The following JMJD1C variants were observed in gnomAD, a reference collection of about 807,000 sequenced individuals.
JMJD1C encodes the protein jumonji domain-containing protein 1C.
JMJD1C carries 31 observed loss-of-function variants against 245.3 expected under a neutral mutation model. That is an observed-to-expected ratio of 0.13 (90% CI 0.09 to 0.17). The LOEUF is 0.17. Among genes scored for constraint, JMJD1C ranks in the 10% least tolerant of loss-of-function variants. The pLI is 1.00. For missense variants in JMJD1C, 2,691 were observed against 3,000.2 expected, an observed-to-expected ratio of 0.90 and a Z score of 2.41; for synonymous variants, 1,057 against 1,017.4, an observed-to-expected ratio of 1.04 and a Z score of -0.74.
At chr10:63,440,659 G>A (rs1170173276) in intron 1 of JMJD1C, among the ~76,000 whole-genome samples, 1 of 152,096 alleles carries the variant, frequency 6.6e-6, no homozygotes, top group Non-Finnish European at 1.5e-5. Flanking sequence ...AGTCTCAGAA[G>A]GAAGAGAACC....
In JMJD1C at chr10:63,442,508, G is replaced by C. The variant is rs371088323; in HGVS notation, c.168+22987C>G. On this transcript the variant is annotated intron_variant, in intron 1 of 25. Coordinates refer to ENST00000399262, the MANE Select transcript of JMJD1C (RefSeq NM_032776.3). ...ATCTGTAACTTCTAGCAATGCAGCA[G>C]AATGTTATGTATTTAATGTGCATAA... 3.1e-4 allele frequency among the ~76,000 whole-genome samples: 47 copies of C among 152,274 alleles called. 1 individual carries two copies. In the South Asian group the frequency reaches 9.5e-3, roughly 31 times the overall value.
intron 2 of JMJD1C, among the ~76,000 whole-genome samples, chr10:63,346,357 T>C (rs1391125142): frequency 6.6e-6 from 1 of 152,198 alleles, no homozygotes; most frequent in Non-Finnish European, 1.5e-5. Context: ...GTGACACTAG[T>C]TTTGTTAAAT....
chr10:63,509,239 C>T (rs982059649), intron 1 of JMJD1C, among the ~76,000 whole-genome samples: 1 of 152,230 alleles, frequency 6.6e-6, no homozygotes, highest in African/African-American at 2.4e-5. Context: ...AACTGATTAT[C>T]CAATATTAAG....
intron 3 of JMJD1C, among the ~76,000 whole-genome samples, chr10:63,229,201 C>T (rs1355771626): frequency 6.6e-6 from 1 of 152,046 alleles, no homozygotes; most frequent in Non-Finnish European, 1.5e-5. Context: ...AAAGATTTCA[C>T]ATAATTAAAA....
At chr10:63,203,827 A>T (rs913391707) in intron 10 of JMJD1C, 289 of 960,408 alleles carry the variant, frequency 3.0e-4, no homozygotes, top group Non-Finnish European at 3.5e-4. Flanking sequence ...GTATGTAATC[A>T]TATTACATAG....
At chr10:63,515,713 T>C (rs1374925191) in intron 1 of JMJD1C, among the ~76,000 whole-genome samples, 1 of 152,222 alleles carries the variant, frequency 6.6e-6, no homozygotes, top group Non-Finnish European at 1.5e-5. Context: ...TTTGTTCAGT[T>C]ATTTATTTGT....
At chr10:63,287,254 G>A (rs1858091376) in intron 2 of JMJD1C, among the ~76,000 whole-genome samples, 1 of 152,256 alleles carries the variant, frequency 6.6e-6, no homozygotes, top group South Asian at 2.1e-4. Context: ...AACATTTAAA[G>A]TGTATTAAGC....
At chr10:63,309,494 CAAAAA>C (rs71025153) in intron 2 of JMJD1C, among the ~76,000 whole-genome samples, 4 of 49,410 alleles carry the variant, frequency 8.1e-5, no homozygotes, top group Non-Finnish European at 1.3e-4. Context: ...GACTCCATCT[CAAAAA>C]AAAAAAAAAA....
rs2133023533 is a variant in JMJD1C, at chr10:63,194,281, C to T, written c.5734+5G>A. 2 of 1,584,780 alleles carry T rather than the reference C, an allele frequency of 1.3e-6. No individual in the cohort carries two copies. The highest frequency in any genetic ancestry group is 1.7e-6 in the Non-Finnish European group (2 of 1,153,402). On this transcript the variant is annotated splice_donor_5th_base_variant and intron_variant, in intron 14 of 25. Coordinates refer to ENST00000399262, the MANE Select transcript of JMJD1C (RefSeq NM_032776.3). ...AGTTATATTACATGAAGAAGATATA[C>T]TTACCAGAACCAGGTATAATTTGGG...
At chr10:63,510,829 T>C (rs1201130346) in intron 1 of JMJD1C, among the ~76,000 whole-genome samples, 3 of 152,260 alleles carry the variant, frequency 2.0e-5, no homozygotes, top group Non-Finnish European at 2.9e-5. Flanking sequence ...ATATTTCTCA[T>C]TGTAGTTCTA....
chr10:63,393,548 A>G (rs1477125072), intron 1 of JMJD1C, among the ~76,000 whole-genome samples: 1 of 152,206 alleles, frequency 6.6e-6, no homozygotes, highest in East Asian at 1.9e-4. Flanking sequence ...TATTTATCCA[A>G]GGAAAAGATA....
intron 13 of JMJD1C, among the ~76,000 whole-genome samples, chr10:63,196,191 C>T (rs1246548387): frequency 6.6e-6 from 1 of 151,074 alleles, no homozygotes; most frequent in Non-Finnish European, 1.5e-5. Flanking sequence ...TCCAGGAGGC[C>T]AAGATTGCGC....
chr10:63,396,932 T>G (rs1002743157), intron 1 of JMJD1C, among the ~76,000 whole-genome samples: 7 of 149,364 alleles, frequency 4.7e-5, no homozygotes, highest in Non-Finnish European at 9.0e-5. Flanking sequence ...GTTTTTGGTT[T>G]TTTTTTTTTT....
At chr10:63,303,526 G>C (rs1042406178) in intron 2 of JMJD1C, among the ~76,000 whole-genome samples, 2 of 152,094 alleles carry the variant, frequency 1.3e-5, no homozygotes, top group African/African-American at 4.8e-5. Context: ...GGCTGGTCTC[G>C]AACTCCTAAC....
At chr10:63,468,164 G>A (rs969286149), upstream of JMJD1C, among the ~76,000 whole-genome samples, 3 of 152,126 alleles carry the variant, frequency 2.0e-5, no homozygotes, top group African/African-American at 7.2e-5. Flanking sequence ...TTTTTCAGGA[G>A]GGCATATATC....
intron 2 of JMJD1C, among the ~76,000 whole-genome samples, chr10:63,362,251 A>AC (rs1181002705): frequency 6.6e-6 from 1 of 151,582 alleles, no homozygotes; most frequent in African/African-American, 2.4e-5. Context: ...AAAAAAAAAA[A>AC]ATCACTAGTT....
chr10:63,467,827 G>A (rs556143462), upstream of JMJD1C, among the ~76,000 whole-genome samples: 4 of 152,302 alleles, frequency 2.6e-5, no homozygotes, highest in African/African-American at 9.6e-5. Context: ...CCATGGGCAT[G>A]ATGCAATTGT....
chr10:63,359,540 C>T (rs1945146880), intron 2 of JMJD1C, among the ~76,000 whole-genome samples: 2 of 152,154 alleles, frequency 1.3e-5, no homozygotes, highest in Non-Finnish European at 2.9e-5. Context: ...ATATGACTAT[C>T]CAATTTCTAA....
At chr10:63,422,113 TG>T (rs1950160725) in intron 1 of JMJD1C, among the ~76,000 whole-genome samples, 1 of 152,184 alleles carries the variant, frequency 6.6e-6, no homozygotes, top group African/African-American at 2.4e-5. Flanking sequence ...AAAAACAATG[TG>T]TATTTTAAAA....
Sources: allele counts gnomAD v4.1 joint callset (sites outside exome capture counted in the v4.1 genomes callset), GRCh38; gene constraint gnomAD v4.1.1; transcripts MANE v1.5; gene names NCBI Gene and HGNC (gene_info 2026-07-23, HGNC 2026-07-21).